Variants in ATRNL1 observed in about 807,000 individuals in gnomAD.
ATRNL1 encodes attractin like 1, also known as attractin-like protein 1.
ATRNL1 carries 95 observed loss-of-function variants against 182.7 expected under a neutral mutation model. That is an observed-to-expected ratio of 0.52 (90% CI 0.44 to 0.62). The LOEUF is 0.62. Among genes scored for constraint, ATRNL1 ranks in the 20% least tolerant of loss-of-function variants. The probability of loss-of-function intolerance (pLI) is 0.00; values close to 1 mark genes in which losing one functional copy is unlikely to be tolerated. For missense variants in ATRNL1, 1,471 were observed against 1,679.5 expected (o/e 0.88, Z 2.17); for synonymous variants, 576 against 568.3 (o/e 1.01, Z -0.19).
rs1416393710 is a variant in ATRNL1 at position 115,301,397 on chromosome 10, G to A, written c.2630-458G>A. Among the ~76,000 whole-genome samples the A allele has an allele frequency of 2.6e-5, 4 of 152,034 alleles. No homozygotes were observed. In the East Asian group the frequency reaches 7.7e-4, roughly 29 times the overall value. On this transcript the variant is annotated intron_variant, in intron 16 of 28. Coordinates refer to ENST00000355044, the MANE Select transcript of ATRNL1 (RefSeq NM_207303.4). ...TTTTTAAATAATGGCCATCTTAAAG[G>A]CTGTGATAAATATTGTATCTTGTGT... is the stretch of plus-strand genomic sequence containing the variant.
At chr10:115,623,453 T>G (rs1193673117) in intron 26 of ATRNL1, among the ~76,000 whole-genome samples, 1 of 152,140 alleles carries the variant, frequency 6.6e-6, no homozygotes, top group African/African-American at 2.4e-5. Flanking sequence ...ACTGGAAATG[T>G]TACTTACCAA....
intron 28 of ATRNL1, among the ~76,000 whole-genome samples, chr10:115,850,462 A>G (rs920949350): frequency 3.3e-5 from 5 of 152,196 alleles, no homozygotes; most frequent in Admixed American, 1.3e-4. Flanking sequence ...TATTTAGTGT[A>G]TGCACAGCCA....
At chr10:115,745,614 C>T (rs1948269163) in intron 27 of ATRNL1, among the ~76,000 whole-genome samples, 1 of 152,150 alleles carries the variant, frequency 6.6e-6, no homozygotes, top group African/African-American at 2.4e-5. Context: ...CACAACCTCA[C>T]CAGAACTAGG....
At chr10:115,579,362 C>A (rs538937818) in intron 26 of ATRNL1, among the ~76,000 whole-genome samples, 3 of 151,800 alleles carry the variant, frequency 2.0e-5, no homozygotes, top group African/African-American at 7.2e-5. Context: ...TGTTTATATT[C>A]TCTGATCTAA....
At chr10:115,544,032 C>G (rs991590911) in intron 25 of ATRNL1, among the ~76,000 whole-genome samples, 1 of 151,928 alleles carries the variant, frequency 6.6e-6, no homozygotes, top group South Asian at 2.1e-4. Flanking sequence ...CAATTATTCC[C>G]CCATCAATAT....
Position 115,121,643 on chromosome 10 carries a change from A to G in ATRNL1, c.378-56A>G, listed in dbSNP as rs1844740900. The stretch of plus-strand genomic sequence containing the variant: ...ATTATATAATAAATATTATGTATTT[A>G]TTCACTCTGTGCTTTGTATATTTTA... On this transcript the variant is annotated intron_variant, in intron 2 of 28. Coordinates refer to ENST00000355044, the MANE Select transcript of ATRNL1 (RefSeq NM_207303.4). 4 of 662,398 alleles carry G rather than the reference A, an allele frequency of 6.0e-6. No individual in the cohort carries two copies. The South Asian group carries it at 1.2e-4, about 19-fold the overall frequency. 41.0% of individuals were successfully genotyped at this position (662,398 alleles called of 1,614,324 possible).
At chr10:115,731,413 T>TA (rs1947793961) in intron 27 of ATRNL1, among the ~76,000 whole-genome samples, 1 of 152,166 alleles carries the variant, frequency 6.6e-6, no homozygotes, top group African/African-American at 2.4e-5. Flanking sequence ...CATAAAGCAT[T>TA]ATATTAATTG....
At chr10:115,235,886 TAGAA>T (rs1484723131) in intron 9 of ATRNL1, among the ~76,000 whole-genome samples, 1 of 152,198 alleles carries the variant, frequency 6.6e-6, no homozygotes, top group African/African-American at 2.4e-5. Context: ...TGATTCTCAC[TAGAA>T]AGAGTTATTA....
At chr10:115,582,006 G>A (rs1256657568) in intron 26 of ATRNL1, among the ~76,000 whole-genome samples, 2 of 148,540 alleles carry the variant, frequency 1.3e-5, no homozygotes, top group Non-Finnish European at 3.0e-5. Flanking sequence ...TTGGTTTTTT[G>A]TTCTTGCGAT....
intron 24 of ATRNL1, among the ~76,000 whole-genome samples, chr10:115,497,200 C>T (rs782793642): frequency 1.3e-5 from 2 of 152,128 alleles, no homozygotes; most frequent in Admixed American, 1.3e-4. Context: ...GTGTGTTTTG[C>T]AACTCTATCA....
intron 24 of ATRNL1, among the ~76,000 whole-genome samples, chr10:115,501,756 A>G (rs1554980151): frequency 2.0e-5 from 3 of 152,218 alleles, no homozygotes; most frequent in African/African-American, 7.2e-5. Flanking sequence ...ACAAAGGATT[A>G]GCAATGTTTT....
At chr10:115,928,380 A>G (rs782359200) in intron 28 of ATRNL1, among the ~76,000 whole-genome samples, 4 of 152,102 alleles carry the variant, frequency 2.6e-5, no homozygotes, top group Non-Finnish European at 5.9e-5. Context: ...GAAAGGAACT[A>G]TATTCAAACA....
At chr10:115,216,091 T>C (rs1849219791) in intron 9 of ATRNL1, among the ~76,000 whole-genome samples, 1 of 152,198 alleles carries the variant, frequency 6.6e-6, no homozygotes, top group Non-Finnish European at 1.5e-5. Context: ...CATATTTTAT[T>C]GTCATCTGTA....
intron 27 of ATRNL1, among the ~76,000 whole-genome samples, chr10:115,805,656 T>C (rs1949904672): frequency 6.6e-6 from 1 of 152,080 alleles, no homozygotes. Context: ...TTCTGTTTCT[T>C]CAGCTGTAGA....
intron 26 of ATRNL1, among the ~76,000 whole-genome samples, chr10:115,576,904 C>T (rs1281403996): frequency 6.6e-6 from 1 of 151,666 alleles, no homozygotes; most frequent in Non-Finnish European, 1.5e-5. Flanking sequence ...TTAAGTTGAT[C>T]TTTGTGAATG....
At chr10:115,304,223 T>G (rs1480230144) in intron 17 of ATRNL1, among the ~76,000 whole-genome samples, 9 of 152,156 alleles carry the variant, frequency 5.9e-5, no homozygotes, top group African/African-American at 2.2e-4. Flanking sequence ...TTTCTTGCAG[T>G]CCCTCCATAG....
At chr10:115,630,601 A>G (rs912355786) in intron 26 of ATRNL1, among the ~76,000 whole-genome samples, 1 of 151,116 alleles carries the variant, frequency 6.6e-6, no homozygotes. Flanking sequence ...TATGCAAACA[A>G]CCCATTTGTC....
chr10:115,722,645 G>C (rs1291553103), intron 26 of ATRNL1, among the ~76,000 whole-genome samples: 1 of 152,036 alleles, frequency 6.6e-6, no homozygotes, highest in Non-Finnish European at 1.5e-5. Context: ...TTAGTTTGTA[G>C]CTCAAAACTA....
intron 24 of ATRNL1, among the ~76,000 whole-genome samples, chr10:115,500,612 C>T (rs1849776810): frequency 6.6e-6 from 1 of 151,856 alleles, no homozygotes; most frequent in Non-Finnish European, 1.5e-5. Context: ...GGTGTGATCT[C>T]AGCTCATTGC....
Sources: allele counts gnomAD v4.1 joint callset (sites outside exome capture counted in the v4.1 genomes callset), GRCh38; gene constraint gnomAD v4.1.1; transcripts MANE v1.5; gene names NCBI Gene and HGNC (gene_info 2026-07-23, HGNC 2026-07-21).